Variants in PCDHGA8 observed in about 807,000 individuals in gnomAD.
PCDHGA8 encodes the protein protocadherin gamma-A8.
In PCDHGA8, 45 loss-of-function variants were observed where a neutral mutation model predicts 59.2. That is an observed-to-expected ratio of 0.76 (90% confidence interval 0.60 to 0.98). The LOEUF (loss-of-function observed/expected upper bound fraction) is 0.98, where lower values mean the gene tolerates loss of function less well. Among genes scored for constraint, PCDHGA8 ranks in the 50% least tolerant of loss-of-function variants. The pLI, the probability that PCDHGA8 is intolerant of heterozygous loss-of-function variation, is 0.00. For missense variants in PCDHGA8, 1,257 were observed against 1,196.2 expected (o/e 1.05, Z -0.75); for synonymous variants, 531 against 519.0 (o/e 1.02, Z -0.32).
At chr5:141,480,625 G>A (rs1041569361) in intron 1 of PCDHGA8, among the ~76,000 whole-genome samples, 2 of 152,070 alleles carry the variant, frequency 1.3e-5, no homozygotes, top group Non-Finnish European at 2.9e-5. Flanking sequence ...ATTTTCCCTA[G>A]AACAATGTTT....
chr5:141,403,354 G>A, intron 1 of PCDHGA8: 7 of 1,614,048 alleles, frequency 4.3e-6, no homozygotes, highest in Non-Finnish European at 5.9e-6. Flanking sequence ...CAAAGTTCCA[G>A]GCCGAAAGTC....
In PCDHGA8 at chr5:141,431,023, C is replaced by T. The variant is rs374655655; in HGVS notation, c.2424+35786C>T. 1 of 1,613,748 alleles carries T rather than the reference C, an allele frequency of 6.2e-7. No homozygotes were observed. On this transcript the variant is annotated intron_variant, in intron 1 of 3. Coordinates refer to ENST00000398604, the MANE Select transcript of PCDHGA8 (RefSeq NM_032088.2). This position sits in a 1 kb window ranked among gnomAD's most constrained non-coding sequence, Gnocchi z 4.8. Reference sequence around the variant, plus strand: ...GCAGCGGCAGCTTGGTCACGGCGGGCAGGATAGACCGGGAGGAGCTCTGTA... The same window carrying T: ...GCAGCGGCAGCTTGGTCACGGCGGGTAGGATAGACCGGGAGGAGCTCTGTA...
intron 1 of PCDHGA8, among the ~76,000 whole-genome samples, chr5:141,488,348 C>G (rs1231687770): frequency 3.2e-4 from 49 of 152,106 alleles, no homozygotes; most frequent in Admixed American, 3.2e-3. Context: ...TAGAAACAGC[C>G]ACCCTGTGCA....
chr5:141,505,742 G>A (rs1024914690), intron 3 of PCDHGA8, among the ~76,000 whole-genome samples: 1 of 152,150 alleles, frequency 6.6e-6, no homozygotes, highest in Non-Finnish European at 1.5e-5. Flanking sequence ...TACAAGTCTA[G>A]CTCTGGAATG....
intron 1 of PCDHGA8, among the ~76,000 whole-genome samples, chr5:141,464,155 C>T (rs2099076990): frequency 1.3e-5 from 2 of 151,614 alleles, no homozygotes; most frequent in African/African-American, 4.8e-5. Flanking sequence ...GTCCCAGCTA[C>T]TTGGAAGGCT....
rs139344941 is a variant in PCDHGA8, at chr5:141,480,950, C to T, written c.2425-13857C>T. Among the ~76,000 whole-genome samples the T allele has an allele frequency of 6.7e-3, 1,016 of 152,086 alleles. 11 individuals carry two copies. Among genetic ancestry groups the T allele is most frequent in the African/African-American group, 0.023 (953 of 41,456 alleles). On this transcript the variant is annotated intron_variant, in intron 1 of 3. Transcript: ENST00000398604. ...GTCCCAGCTACTCTAGAGGCTGAGG[C>T]GGAAGCATCAGTGAGGGAGAATCAG...
At chr5:141,403,495 C>T (rs2094413954) in intron 1 of PCDHGA8, 2 of 1,614,014 alleles carry the variant, frequency 1.2e-6, no homozygotes, top group Non-Finnish European at 1.7e-6. Flanking sequence ...TCTCCCTGAA[C>T]GTGCAGACTG....
At chr5:141,424,717 T>G (rs914445969) in intron 1 of PCDHGA8, 1 of 152,202 alleles carries the variant, frequency 6.6e-6, no homozygotes, top group Non-Finnish European at 1.5e-5. Context: ...TCAGTGTAGT[T>G]GGGAGTCATA....
chr5:141,505,711 A>C (rs372711957), intron 3 of PCDHGA8, among the ~76,000 whole-genome samples: 17 of 152,058 alleles, frequency 1.1e-4, no homozygotes, highest in Admixed American at 2.6e-4. Context: ...CAAGGAAAAG[A>C]CTCATGGAGG....
Position 141,418,614 on chromosome 5 carries a change from G to A in PCDHGA8, c.2424+23377G>A, listed in dbSNP as rs777074200. ...CAGGACGTGTACAGGGTTAGCCTTC[G>A]GGAAGACGTGCCTCCAGGCACCTCC... is the stretch of plus-strand genomic sequence containing the variant. On this transcript the variant is annotated intron_variant, in intron 1 of 3. Transcript: ENST00000398604. The A allele has an allele frequency of 5.0e-6, 8 of 1,613,876 alleles. No homozygotes were observed. In the East Asian group the frequency reaches 1.1e-4, roughly 22 times the overall value.
chr5:141,427,956 C>T, intron 1 of PCDHGA8: 1 of 1,587,304 alleles, frequency 6.3e-7, no homozygotes, highest in African/African-American at 1.3e-5. Context: ...TGACAATGTG[C>T]CGCGGGTGCT....
At position 141,490,148 on chromosome 5, in the gene PCDHGA8, A is replaced by G. The variant is rs2154582223; in HGVS notation, c.2425-4659A>G. The G allele has an allele frequency of 1.2e-6, 2 of 1,614,232 alleles. No homozygotes were observed. The highest frequency in any genetic ancestry group is 4.5e-5 in the East Asian group (2 of 44,888). On this transcript the variant is annotated intron_variant, in intron 1 of 3. Coordinates refer to ENST00000398604, the MANE Select transcript of PCDHGA8 (RefSeq NM_032088.2). The surrounding 1 kb of genome is among the most constrained non-coding windows in gnomAD (Gnocchi z 5.4). The stretch of plus-strand genomic sequence containing the variant: ...CTAGACCCTAGCAGTGGGGCAATCC[A>G]TGTGTTGGGTCCCATAGACTTTGAG...
chr5:141,407,159 A>G (rs1349203478), intron 1 of PCDHGA8, among the ~76,000 whole-genome samples: 1 of 152,232 alleles, frequency 6.6e-6, no homozygotes, highest in Non-Finnish European at 1.5e-5. Context: ...AGTGTCTGGG[A>G]ATCCTTTATG....
intron 1 of PCDHGA8, among the ~76,000 whole-genome samples, chr5:141,435,953 G>A (rs2097789156): frequency 6.6e-6 from 1 of 151,984 alleles, no homozygotes; most frequent in Non-Finnish European, 1.5e-5. Context: ...CAAAAAAGGG[G>A]GCAAAATATA....
intron 1 of PCDHGA8, among the ~76,000 whole-genome samples, chr5:141,443,179 A>G (rs2098370392): frequency 6.6e-6 from 1 of 152,190 alleles, no homozygotes; most frequent in South Asian, 2.1e-4. Flanking sequence ...TGTCCACTGC[A>G]TCATTCTCTA....
At position 141,491,154 on chromosome 5, in the gene PCDHGA8, C is replaced by T. The variant is rs773308291; in HGVS notation, c.2425-3653C>T. ...CAGCCCGGGCCTTACTGGAGGATGACTCTGACACCCAGCAGGTGGTGGTCC... is the reference window on the plus strand; with the variant it reads ...CAGCCCGGGCCTTACTGGAGGATGATTCTGACACCCAGCAGGTGGTGGTCC... On this transcript the variant is annotated intron_variant, in intron 1 of 3. Coordinates refer to ENST00000398604, the MANE Select transcript of PCDHGA8 (RefSeq NM_032088.2). The surrounding 1 kb of genome is among the most constrained non-coding windows in gnomAD (Gnocchi z 6.9). The T allele has an allele frequency of 6.2e-7, 1 of 1,614,162 alleles. No homozygotes were observed. The highest frequency in any genetic ancestry group is 1.7e-5 in the Admixed American group (1 of 60,026).
At chr5:141,472,066 T>C (rs1440684719) in intron 1 of PCDHGA8, among the ~76,000 whole-genome samples, 1 of 152,140 alleles carries the variant, frequency 6.6e-6, no homozygotes, top group African/African-American at 2.4e-5. Flanking sequence ...GACATGTCTG[T>C]GGTTATATCA....
In PCDHGA8 at chr5:141,485,429, A is replaced by T. The variant is rs1388904857; in HGVS notation, c.2425-9378A>T. On this transcript the variant is annotated intron_variant, in intron 1 of 3. Transcript: ENST00000398604. This position sits in a 1 kb window ranked among gnomAD's most constrained non-coding sequence, Gnocchi z 5.7. Reference sequence around the variant, plus strand: ...GGATTTGGACAGCGGAGCCCTGCTCATCAAGAACCCAATCGACCGAGAGGC... The same window carrying T: ...GGATTTGGACAGCGGAGCCCTGCTCTTCAAGAACCCAATCGACCGAGAGGC... The T allele has an allele frequency of 6.2e-7, 1 of 1,614,090 alleles. No homozygotes were observed. Among genetic ancestry groups the T allele is most frequent in the Non-Finnish European group, 8.5e-7 (1 of 1,180,052 alleles).
intron 1 of PCDHGA8, chr5:141,411,158 A>T (rs1384845652): frequency 6.6e-6 from 1 of 152,212 alleles, no homozygotes; most frequent in Admixed American, 6.5e-5. Context: ...TCAAGTTCTG[A>T]CTATCGAACA....
Sources: allele counts gnomAD v4.1 joint callset (sites outside exome capture counted in the v4.1 genomes callset), GRCh38; gene constraint gnomAD v4.1.1; non-coding constraint Gnocchi (gnomAD v3.1); transcripts MANE v1.5; gene names NCBI Gene and HGNC (gene_info 2026-07-23, HGNC 2026-07-21).